DAB1: variants seen among roughly 807,000 people sequenced by gnomAD.
DAB1 encodes the protein DAB adaptor protein 1.
DAB1 carries 15 observed loss-of-function variants against 64.6 expected under a neutral mutation model. The ratio of observed to expected loss-of-function variants is 0.23; its 90% CI spans 0.16 to 0.36. The LOEUF (loss-of-function observed/expected upper bound fraction) is 0.36. Among genes scored for constraint, DAB1 ranks in the 10% least tolerant of loss-of-function variants. The pLI, the probability that DAB1 is intolerant of heterozygous loss-of-function variation, is 1.00. For missense variants in DAB1, 596 were observed against 706.7 expected, an observed-to-expected ratio of 0.84 and a Z score of 1.78; for synonymous variants, 235 against 251.9, an observed-to-expected ratio of 0.93 and a Z score of 0.64.
chr1:58,153,357 T>C (rs998470079), intron 4 of DAB1, among the ~76,000 whole-genome samples: 5 of 152,210 alleles, frequency 3.3e-5, no homozygotes, highest in Non-Finnish European at 5.9e-5. Flanking sequence ...GATATCATTA[T>C]CCACATTGCA....
intron 2 of DAB1, among the ~76,000 whole-genome samples, chr1:57,188,211 T>C (rs904079457): frequency 2.6e-5 from 4 of 152,134 alleles, no homozygotes; most frequent in African/African-American, 7.2e-5. Flanking sequence ...CCGTGCCTGA[T>C]TAGAGTGCTG....
intron 5 of DAB1, among the ~76,000 whole-genome samples, chr1:57,893,676 A>G (rs1197886111): frequency 6.6e-6 from 1 of 152,196 alleles, no homozygotes; most frequent in African/African-American, 2.4e-5. Flanking sequence ...TGTAGCAAGT[A>G]GCTAGTCAGA....
chr1:57,616,727 A>T (rs984275703), intron 7 of DAB1, among the ~76,000 whole-genome samples: 4 of 152,164 alleles, frequency 2.6e-5, no homozygotes, highest in African/African-American at 4.8e-5. Flanking sequence ...TCCAAATATT[A>T]TGAAATGGGT....
intron 3 of DAB1, chr1:58,473,773 AAC>A: frequency 1.9e-6 from 1 of 534,326 alleles, no homozygotes; most frequent in South Asian, 1.7e-5. Flanking sequence ...CCATCTCCAG[AAC>A]AGTCTGACCC....
chr1:58,221,887 G>A (rs751134712), intron 4 of DAB1, among the ~76,000 whole-genome samples: 1 of 152,176 alleles, frequency 6.6e-6, no homozygotes, highest in African/African-American at 2.4e-5. Flanking sequence ...TGTTCTGTAG[G>A]TCTGGCAGGT....
intron 7 of DAB1, among the ~76,000 whole-genome samples, chr1:57,640,112 G>A (rs370575128): frequency 7.1e-4 from 108 of 152,252 alleles, no homozygotes; most frequent in African/African-American, 2.5e-3. Context: ...TGCAGGTCTC[G>A]TGTATTACAG....
At chr1:57,155,809 T>C (rs1660165140) in intron 2 of DAB1, among the ~76,000 whole-genome samples, 1 of 151,934 alleles carries the variant, frequency 6.6e-6, no homozygotes, top group Non-Finnish European at 1.5e-5. Context: ...ATTGCCTTTA[T>C]TTCTTTTTCA....
intron 3 of DAB1, among the ~76,000 whole-genome samples, chr1:58,420,631 C>T (rs1454852162): frequency 6.6e-6 from 1 of 152,164 alleles, no homozygotes; most frequent in African/African-American, 2.4e-5. Context: ...TATTGTCAGA[C>T]AAACTGAGTC....
chr1:58,329,962 C>A (rs981642984), intron 4 of DAB1, among the ~76,000 whole-genome samples: 13 of 152,088 alleles, frequency 8.5e-5, no homozygotes, highest in Admixed American at 2.6e-4. Context: ...TATAAATATT[C>A]AAGTGAAAGG....
chr1:57,320,588 G>A (rs1400004632), intron 1 of DAB1, among the ~76,000 whole-genome samples: 1 of 152,068 alleles, frequency 6.6e-6, no homozygotes, highest in Admixed American at 6.5e-5. Flanking sequence ...CTTGCTCAGA[G>A]AGAAACATGT....
intron 4 of DAB1, among the ~76,000 whole-genome samples, chr1:58,288,781 T>C (rs994376922): frequency 2.0e-5 from 3 of 152,212 alleles, no homozygotes; most frequent in Non-Finnish European, 4.4e-5. Context: ...ACAAATTAAC[T>C]TGGAAACTTG....
chr1:57,426,874 A>ATATTTTTTT (rs57970737), upstream of DAB1, among the ~76,000 whole-genome samples: 551 of 149,272 alleles, frequency 3.7e-3, 8 homozygotes, highest in African/African-American at 0.012. Context: ...ATATATATAT[A>ATATTTTTTT]TTTTTTTGAG....
intron 7 of DAB1, among the ~76,000 whole-genome samples, chr1:57,648,681 T>C (rs892000206): frequency 6.6e-6 from 1 of 152,190 alleles, no homozygotes; most frequent in Non-Finnish European, 1.5e-5. Flanking sequence ...CCTTGCAAAC[T>C]CACATAAACT....
intron 1 of DAB1, among the ~76,000 whole-genome samples, chr1:57,353,869 G>A (rs112245740): frequency 1.4e-4 from 22 of 152,230 alleles, no homozygotes; most frequent in East Asian, 1.9e-4. Context: ...TGCATGAGGC[G>A]AAGTATAAAA....
At chr1:58,160,331 T>A (rs1188349295) in intron 4 of DAB1, among the ~76,000 whole-genome samples, 6 of 152,164 alleles carry the variant, frequency 3.9e-5, no homozygotes, top group Non-Finnish European at 7.4e-5. Context: ...AGTTCCCTGT[T>A]ACCGCAGGCT....
intron 7 of DAB1, among the ~76,000 whole-genome samples, chr1:57,440,960 C>T (rs376148595): frequency 1.3e-5 from 2 of 152,030 alleles, no homozygotes; most frequent in Admixed American, 6.5e-5. Context: ...GGGTAGAGAT[C>T]CTGTCATCCA....
intron 4 of DAB1, among the ~76,000 whole-genome samples, chr1:57,116,461 CAAAA>C (rs61590002): frequency 2.8e-5 from 2 of 71,972 alleles, no homozygotes; most frequent in African/African-American, 1.1e-4. Flanking sequence ...GACTCTGTCT[CAAAA>C]AAAAAAAAAA....
chr1:57,544,625 A>G (rs1329368292), intron 7 of DAB1, among the ~76,000 whole-genome samples: 1 of 152,140 alleles, frequency 6.6e-6, no homozygotes, highest in Non-Finnish European at 1.5e-5. Flanking sequence ...TGTGTGTTCA[A>G]CCAAATCTCA....
chr1:57,187,843 G>A (rs1456570346), intron 2 of DAB1, among the ~76,000 whole-genome samples: 3 of 152,000 alleles, frequency 2.0e-5, no homozygotes, highest in Non-Finnish European at 1.5e-5. Context: ...AAGAGAGAGA[G>A]AGAGAGAGAC....
Sources: allele counts gnomAD v4.1 joint callset (sites outside exome capture counted in the v4.1 genomes callset), GRCh38; gene constraint gnomAD v4.1.1; transcripts MANE v1.5; gene names NCBI Gene and HGNC (gene_info 2026-07-23, HGNC 2026-07-21).